ARHGEF15: variants seen among roughly 807,000 people sequenced by gnomAD.
ARHGEF15 encodes Rho guanine nucleotide exchange factor (GEF) 15.
In ARHGEF15, 58 loss-of-function variants were observed where a neutral mutation model predicts 79.7. The ratio of observed to expected loss-of-function variants is 0.73; its 90% CI spans 0.59 to 0.91. The LOEUF is 0.91. Among genes scored for constraint, ARHGEF15 ranks in the 40% least tolerant of loss-of-function variants. The pLI is 0.00. For synonymous variants in ARHGEF15, 442 were observed against 456.0 expected (o/e 0.97, Z 0.39); for missense variants, 1,012 against 1,108.1 (o/e 0.91, Z 1.23).
chr17:8,320,959 C>G lies in ARHGEF15; in HGVS notation c.2492C>G (p.Ser831Cys). The part of the protein sequence containing the change: ...QNQRLLEAVG[S>C]SSGTPNAPPP Reference sequence around the variant, plus strand: ...CAGAGGCTTCTCGAGGCTGTTGGATCTTCTTCAGGCACCCCCAATGCCCCC... The same window carrying G: ...CAGAGGCTTCTCGAGGCTGTTGGATGTTCTTCAGGCACCCCCAATGCCCCC... The change falls in exon 16 of 16, where the codon TCT (serine) becomes TGT (cysteine). Residue 831 changes from serine to cysteine, a missense_variant. Physicochemically the swap from Ser to Cys is moderately radical, Grantham distance 112 (BLOSUM62 -1). Coordinates refer to ENST00000361926, the MANE Select transcript of ARHGEF15 (RefSeq NM_173728.4). 6.2e-7 allele frequency: 1 copy of G among 1,613,978 alleles called. No individual in the cohort carries two copies. Among genetic ancestry groups the G allele is most frequent in the Non-Finnish European group, 8.5e-7 (1 of 1,179,934 alleles).
chr17:8,319,587 G>A lies in ARHGEF15; in HGVS notation c.2358G>A (p.Leu786=). Residue 786 remains leucine, a synonymous_variant, in exon 15 of 16, where the codon CTG becomes CTA. Coordinates refer to ENST00000361926, the MANE Select transcript of ARHGEF15 (RefSeq NM_173728.4). ...AGTCCAGGGCTGCCCCCAAACACCT[G>A]CACAAGACCCCTGAAGGTGAGAAAG... The part of the protein sequence containing the change: ...SLESRAAPKH[L]HKTPEGWLKG... 1 of 1,584,870 alleles carries A rather than the reference G, an allele frequency of 6.3e-7. No individual in the cohort carries two copies. The highest frequency in any genetic ancestry group is 8.5e-7 in the Non-Finnish European group (1 of 1,171,760).
At chr17:8,310,825 C>A in intron 1 of ARHGEF15, 1 of 152,244 alleles carries the variant, frequency 6.6e-6, no homozygotes, top group Non-Finnish European at 1.5e-5. Flanking sequence ...CCTACTCACT[C>A]AGCCCTGGGA....
At position 8,313,001 on chromosome 17, in the gene ARHGEF15, T is replaced by C. The variant is rs766866073; in HGVS notation, c.681T>C (p.Pro227=). The change falls in exon 3 of 16, where the codon CCT becomes CCC. Residue 227 remains proline, a synonymous_variant. Transcript: ENST00000361926. The part of the protein sequence containing the change: ...TRPGLELRWV[P]VGGYEEVPRV... ...CTGGCCTGGAGCTCAGATGGGTGCC[T>C]GTGGGGGGCTATGAGGAGGTCCCCA... The C allele has an allele frequency of 2.5e-6, 4 of 1,611,128 alleles. No homozygotes were observed. The highest frequency in any genetic ancestry group is 1.7e-4 in the Middle Eastern group (1 of 6,044).
rs1385134519 is a variant in ARHGEF15, at chr17:8,319,359, T to C, written c.2234T>C (p.Leu745Pro). 1 of 1,614,020 alleles carries C rather than the reference T, an allele frequency of 6.2e-7. No homozygotes were observed. The highest frequency in any genetic ancestry group is 8.5e-7 in the Non-Finnish European group (1 of 1,179,976). The change falls in exon 14 of 16, where the codon CTT (leucine) becomes CCT (proline). Residue 745 changes from leucine (L) to proline (P), a missense_variant. Physicochemically the swap from Leu to Pro is moderately conservative, Grantham distance 98 (BLOSUM62 -3). This residue lies in a region of ARHGEF15 where 132 missense variants were observed against 124.2 expected (regional missense o/e 1.06). Coordinates refer to ENST00000361926, the MANE Select transcript of ARHGEF15 (RefSeq NM_173728.4). ...WLGAFPTPGP[L>P]PCSPDTIYED... ...GGAGCCTTCCCAACCCCAGGCCCCC[T>C]TCCCTGCTCCCCAGACACCATCTAT... is the stretch of plus-strand genomic sequence containing the variant.
At position 8,315,514 on chromosome 17, in the gene ARHGEF15, C is replaced by T. The variant is rs752445774; in HGVS notation, c.1361C>T (p.Thr454Ile). 1.9e-6 allele frequency: 3 copies of T among 1,612,200 alleles called. No individual in the cohort carries two copies. Among genetic ancestry groups the T allele is most frequent in the Admixed American group, 3.3e-5 (2 of 59,988 alleles). ...AGCCAGGCACTCCGGGACACGCTCACCCCCCGTGATCACCACACACTCTTC... is the reference window on the plus strand; with the variant it reads ...AGCCAGGCACTCCGGGACACGCTCATCCCCCGTGATCACCACACACTCTTC... Reference protein sequence around the residue: ...VLSQALRDTLTPRDHHTLFSN... With the variant: ...VLSQALRDTLIPRDHHTLFSN... Residue 454 changes from threonine (T) to isoleucine (I), a missense_variant, in exon 7 of 16, where the codon ACC (threonine) becomes ATC (isoleucine). Around this residue, in one of 3 missense-constraint regions of ARHGEF15, gnomAD observed 818 missense variants for 882.5 expected, o/e 0.93. Transcript: ENST00000361926. This position sits in a 1 kb window ranked among gnomAD's most constrained non-coding sequence, Gnocchi z 4.3.
In ARHGEF15 at chr17:8,318,843, C is replaced by A; in HGVS notation, c.1966C>A (p.Arg656Ser). 1 of 1,613,510 alleles carries A rather than the reference C, an allele frequency of 6.2e-7. No individual in the cohort carries two copies. The highest frequency in any genetic ancestry group is 1.1e-5 in the South Asian group (1 of 91,088). ...CRRGGVLFAS[R>S]PRFTPLCLLL... Reference sequence around the variant, plus strand: ...GAGGGGGGGCGTGCTCTTTGCCTCGCGCCCCCGCTTCACCCCTCTTTGCCT... The same window carrying A: ...GAGGGGGGGCGTGCTCTTTGCCTCGAGCCCCCGCTTCACCCCTCTTTGCCT... Residue 656 changes from arginine (R) to serine (S), a missense_variant, in exon 12 of 16, where the codon CGC becomes AGC. Arg to Ser is a moderately radical substitution (Grantham distance 110). Around this residue, in one of 3 missense-constraint regions of ARHGEF15, gnomAD observed 818 missense variants for 882.5 expected, o/e 0.93. Transcript: ENST00000361926. This position sits in a 1 kb window ranked among gnomAD's most constrained non-coding sequence, Gnocchi z 5.0.
intron 1 of ARHGEF15, among the ~76,000 whole-genome samples, chr17:8,311,080 T>C (rs1033551894): frequency 6.6e-6 from 1 of 151,900 alleles, no homozygotes; most frequent in African/African-American, 2.4e-5. Context: ...AACCCCCTTG[T>C]TCCCCCCTCA....
Position 8,316,036 on chromosome 17 carries a change from T to C in ARHGEF15, c.1592T>C (p.Phe531Ser). Reference protein sequence around the residue: ...YSRLMDTNVRFSAELRRLQSL... With the variant: ...YSRLMDTNVRSSAELRRLQSL... Reference sequence around the variant, plus strand: ...TTCTGCAGGGACACCAACGTGCGCTTCTCCGCCGAGCTGCGCCGGCTGCAG... The same window carrying C: ...TTCTGCAGGGACACCAACGTGCGCTCCTCCGCCGAGCTGCGCCGGCTGCAG... The change falls in exon 9 of 16, where the codon TTC becomes TCC. Residue 531 changes from phenylalanine (F) to serine (S), a missense_variant. Phe to Ser is a radical substitution (Grantham distance 155). This residue lies in a region of ARHGEF15 where 818 missense variants were observed against 882.5 expected (regional missense o/e 0.93). Transcript: ENST00000361926. 1.2e-6 allele frequency: 2 copies of C among 1,602,814 alleles called. No individual in the cohort carries two copies. The highest frequency in any genetic ancestry group is 1.7e-6 in the Non-Finnish European group (2 of 1,179,522).
rs1169737002 is a variant in ARHGEF15, at chr17:8,315,893, C to T, written c.1560C>T (p.Thr520=). 5 of 1,609,802 alleles carry T rather than the reference C, an allele frequency of 3.1e-6. No individual in the cohort carries two copies. In the Admixed American group the frequency reaches 6.7e-5, roughly 21 times the overall value. Residue 520 remains threonine, a synonymous_variant, in exon 8 of 16, where the codon ACC becomes ACT. Transcript: ENST00000361926. The surrounding 1 kb of genome is among the most constrained non-coding windows in gnomAD (Gnocchi z 4.3). Reference sequence around the variant, plus strand: ...GGAACCAGCAGTATCAGGAGGAGACCTACAGCCGCCTCATGTGAGTGTCCC... The same window carrying T: ...GGAACCAGCAGTATCAGGAGGAGACTTACAGCCGCCTCATGTGAGTGTCCC... ...YVRNQQYQEE[T]YSRLMDTNVR...
In ARHGEF15 at chr17:8,321,392, C is replaced by G. The variant is rs903470582; in HGVS notation, c.*399C>G. ...GAACAGGAATGAGCAGGAAGCCAAT[C>G]AGCCAAAGAAAATGGTGATCTGGAC... On this transcript the variant is annotated 3_prime_UTR_variant, in exon 16 of 16. Coordinates refer to ENST00000361926, the MANE Select transcript of ARHGEF15 (RefSeq NM_173728.4). The G allele has an allele frequency of 3.1e-5, 5 of 162,114 alleles. No individual in the cohort carries two copies. Among genetic ancestry groups the G allele is most frequent in the African/African-American group, 4.8e-5 (2 of 41,762 alleles). The allele number at this position is 162,114 out of a possible 1,614,324, so 10.0% of individuals were successfully genotyped here. A position where few individuals can be genotyped will look rare whatever the true frequency, so the allele number is the denominator to read the frequency against.
In ARHGEF15 at chr17:8,318,964, C is replaced by T. The variant is rs191999392; in HGVS notation, c.2034-43C>T. Reference sequence around the variant, plus strand: ...GCTGGAGTGGGCAGGAGGGGTCCAGCGGGACCCCTGCTGTCCTTCTGAACG... The same window carrying T: ...GCTGGAGTGGGCAGGAGGGGTCCAGTGGGACCCCTGCTGTCCTTCTGAACG... On this transcript the variant is annotated intron_variant, in intron 12 of 15. Transcript: ENST00000361926. This position sits in a 1 kb window ranked among gnomAD's most constrained non-coding sequence, Gnocchi z 5.0. 9.0e-5 allele frequency: 144 copies of T among 1,608,844 alleles called. No homozygotes were observed. The African/African-American group carries it at 1.0e-3, about 12-fold the overall frequency.
chr17:8,317,467 TTATC>T (rs1332947442), intron 9 of ARHGEF15, among the ~76,000 whole-genome samples: 9 of 152,250 alleles, frequency 5.9e-5, no homozygotes, highest in African/African-American at 2.2e-4. Flanking sequence ...TTATTCAGCT[TTATC>T]TATCCCCATT....
chr17:8,310,830 C>T (rs766281396), intron 1 of ARHGEF15: 1 of 152,040 alleles, frequency 6.6e-6, no homozygotes, highest in East Asian at 1.9e-4. Context: ...TCACTCAGCC[C>T]TGGGAGGTGA....
rs890547379 is a variant in ARHGEF15, at chr17:8,312,536, A to G, written c.497A>G (p.Gln166Arg). 2 of 1,609,818 alleles carry G rather than the reference A, an allele frequency of 1.2e-6. No individual in the cohort carries two copies. Among genetic ancestry groups the G allele is most frequent in the Non-Finnish European group, 1.7e-6 (2 of 1,177,776 alleles). ...GAAGGGGGTGCTGAAGGCCGGGCTC[A>G]GGATGCAGATGCCCCGGAGCCAGGT... is the stretch of plus-strand genomic sequence containing the variant. ...RFEGGAEGRA[Q>R]DADAPEPGLQ... is the part of the protein sequence containing the mutation. The change falls in exon 2 of 16, where the codon CAG becomes CGG. Residue 166 changes from glutamine to arginine, a missense_variant. Gln to Arg is a conservative substitution (Grantham distance 43). Coordinates refer to ENST00000361926, the MANE Select transcript of ARHGEF15 (RefSeq NM_173728.4).
chr17:8,316,427 C>T (rs934103076), intron 9 of ARHGEF15, among the ~76,000 whole-genome samples: 2 of 152,226 alleles, frequency 1.3e-5, no homozygotes, highest in East Asian at 3.9e-4. Context: ...CTGCCACTGA[C>T]TCTCTGAGTG....
In ARHGEF15 at chr17:8,319,350, C is replaced by G. The variant is rs763104350; in HGVS notation, c.2225C>G (p.Pro742Arg). Residue 742 changes from proline to arginine, a missense_variant, in exon 14 of 16, where the codon CCA (proline) becomes CGA (arginine). Physicochemically the swap from Pro to Arg is moderately radical, Grantham distance 103. Transcript: ENST00000361926. ...CGCTGGCTGGGAGCCTTCCCAACCC[C>G]AGGCCCCCTTCCCTGCTCCCCAGAC... ...MQRWLGAFPT[P>R]GPLPCSPDTI... 1 of 1,614,122 alleles carries G rather than the reference C, an allele frequency of 6.2e-7. No homozygotes were observed. The highest frequency in any genetic ancestry group is 2.2e-5 in the East Asian group (1 of 44,882).
Position 8,315,777 on chromosome 17 carries a change from C to G in ARHGEF15, c.1444C>G (p.Arg482Gly), listed in dbSNP as rs774984022. The G allele has an allele frequency of 1.2e-6, 2 of 1,613,150 alleles. No homozygotes were observed. Among genetic ancestry groups the G allele is most frequent in the African/African-American group, 2.7e-5 (2 of 74,880 alleles). ...CAGGTTTCTAGCAACGCTCCTGTCCCGTGTGCGCTCTTCCCCCCACATCAG... is the reference window on the plus strand; with the variant it reads ...CAGGTTTCTAGCAACGCTCCTGTCCGGTGTGCGCTCTTCCCCCCACATCAG... ...SERFLATLLS[R>G]VRSSPHISDL... The change falls in exon 8 of 16, where the codon CGT becomes GGT. Residue 482 changes from arginine to glycine, a missense_variant. This residue lies in a region of ARHGEF15 where 818 missense variants were observed against 882.5 expected (regional missense o/e 0.93). Transcript: ENST00000361926. This position sits in a 1 kb window ranked among gnomAD's most constrained non-coding sequence, Gnocchi z 4.3.
Position 8,318,535 on chromosome 17 carries a change from G to A in ARHGEF15, c.1780-35G>A, listed in dbSNP as rs760716365. On this transcript the variant is annotated intron_variant, in intron 10 of 15. Coordinates refer to ENST00000361926, the MANE Select transcript of ARHGEF15 (RefSeq NM_173728.4). The surrounding 1 kb of genome is among the most constrained non-coding windows in gnomAD (Gnocchi z 5.0). ...AGAAATGGTAGGGAGCAGGGGGCTGGCCGCTGGGGTGGTGACACAGCTCCC... is the reference window on the plus strand; with the variant it reads ...AGAAATGGTAGGGAGCAGGGGGCTGACCGCTGGGGTGGTGACACAGCTCCC... 1 of 1,612,510 alleles carries A rather than the reference G, an allele frequency of 6.2e-7. No individual in the cohort carries two copies. The highest frequency in any genetic ancestry group is 8.5e-7 in the Non-Finnish European group (1 of 1,178,890).
In ARHGEF15 at chr17:8,318,068, G is replaced by GA. The variant is rs909025523; in HGVS notation, c.1705-310dup. On this transcript the variant is annotated intron_variant, in intron 9 of 15. Coordinates refer to ENST00000361926, the MANE Select transcript of ARHGEF15 (RefSeq NM_173728.4). This position sits in a 1 kb window ranked among gnomAD's most constrained non-coding sequence, Gnocchi z 5.0. ...TGGGTGACAGAGCCAGACTCCGGAA[G>GA]AAAAAAAAATAAGAACCTTCTTTTC... is the stretch of plus-strand genomic sequence containing the variant. 630 of 205,144 alleles carry GA rather than the reference G, an allele frequency of 3.1e-3. No individual in the cohort carries two copies. The highest frequency in any genetic ancestry group is 4.0e-3 in the South Asian group (32 of 8,060). The allele number at this position is 205,144 out of a possible 1,614,324, so 12.7% of individuals were successfully genotyped here. A position where few individuals can be genotyped will look rare whatever the true frequency, so the allele number is the denominator to read the frequency against.
Sources: gnomAD v4.1 joint callset for allele counts (sites outside exome capture counted in the v4.1 genomes callset) on GRCh38, gnomAD v4.1.1 for gene constraint, gnomAD v4.1.1 regional missense constraint, Gnocchi (gnomAD v3.1) non-coding constraint, MANE v1.5 for transcripts, NCBI Gene and HGNC (gene_info 2026-07-23, HGNC 2026-07-21) for gene names.